LAMP1: variants seen among roughly 807,000 people sequenced by gnomAD.
LAMP1 encodes the protein lysosome associated membrane protein 1, also known as lysosome-associated membrane glycoprotein 1.
Under a neutral mutation model 37.5 loss-of-function variants are expected in LAMP1, and 7 were observed. The observed-to-expected ratio is 0.19, with a 90% CI of 0.11 to 0.35. LAMP1 has a LOEUF of 0.35. LAMP1 is among the 10% of genes least tolerant of loss of function. LAMP1 has a pLI of 1.00. For synonymous variants in LAMP1, 236 were observed against 229.1 expected (o/e 1.03, Z -0.27); for missense variants, 537 against 552.8 (o/e 0.97, Z 0.29).
rs966099781 is a variant in LAMP1, at chr13:113,320,569, G to A, written c.876+99G>A. 3 of 1,352,458 alleles carry A rather than the reference G, an allele frequency of 2.2e-6. No individual in the cohort carries two copies. Among genetic ancestry groups the A allele is most frequent in the African/African-American group, 1.5e-5 (1 of 68,430 alleles). 83.8% of individuals were successfully genotyped at this position (1,352,458 alleles called of 1,614,324 possible). A position where few individuals can be genotyped will look rare whatever the true frequency, so the allele number is the denominator to read the frequency against. Reference sequence around the variant, plus strand: ...TCATGGGAGGCAGCGTTAGGAAGGAGGCGGCCTCACTTTTTTCTGCCTTCC... The same window carrying A: ...TCATGGGAGGCAGCGTTAGGAAGGAAGCGGCCTCACTTTTTTCTGCCTTCC... On this transcript the variant is annotated intron_variant, in intron 6 of 8. Transcript: ENST00000332556. This position sits in a 1 kb window ranked among gnomAD's most constrained non-coding sequence, Gnocchi z 4.4.
intron 1 of LAMP1, among the ~76,000 whole-genome samples, chr13:113,299,890 T>G (rs992618164): frequency 6.6e-6 from 1 of 152,148 alleles, no homozygotes; most frequent in African/African-American, 2.4e-5. Flanking sequence ...AAAAGGCCTT[T>G]TAACAACTTG....
intron 2 of LAMP1, among the ~76,000 whole-genome samples, chr13:113,307,182 G>A (rs926448426): frequency 4.4e-5 from 6 of 135,560 alleles, no homozygotes; most frequent in African/African-American, 1.6e-4. Flanking sequence ...TTTTGAGATG[G>A]AATCTTGGTT....
At chr13:113,317,194 G>C (rs1353795188) in intron 4 of LAMP1, among the ~76,000 whole-genome samples, 1 of 152,158 alleles carries the variant, frequency 6.6e-6, no homozygotes, top group Non-Finnish European at 1.5e-5. Context: ...TGCTGGAGGA[G>C]GTGTGACAGT....
chr13:113,305,251 G>A (rs1432510718), intron 1 of LAMP1: 5 of 152,208 alleles, frequency 3.3e-5, no homozygotes, highest in Non-Finnish European at 5.9e-5. Flanking sequence ...GTGTGTGTGT[G>A]GTTGGAAGGC....
chr13:113,316,992 T>A (rs1434501315), intron 4 of LAMP1, among the ~76,000 whole-genome samples: 1 of 151,864 alleles, frequency 6.6e-6, no homozygotes, highest in Non-Finnish European at 1.5e-5. Context: ...CACAAAAAAC[T>A]GTAAGAGAGG....
intron 4 of LAMP1, among the ~76,000 whole-genome samples, chr13:113,318,368 C>T (rs1299239876): frequency 6.6e-6 from 1 of 152,172 alleles, no homozygotes; most frequent in Non-Finnish European, 1.5e-5. Context: ...TGCAGGGTTG[C>T]CCACCCTGGA....
chr13:113,322,171 G>A (rs763148321), intron 8 of LAMP1, 111 bp from the exon 9 acceptor site: 174 of 1,261,328 alleles, frequency 1.4e-4, no homozygotes, highest in African/African-American at 8.5e-4. Context: ...GGAACCTTCC[G>A]CCAGGGTTCC....
intron 4 of LAMP1, among the ~76,000 whole-genome samples, chr13:113,314,151 C>T (rs1478952211): frequency 5.9e-4 from 51 of 85,896 alleles, no homozygotes; most frequent in African/African-American, 4.6e-3. Context: ...TGGAGATGCC[C>T]GTGTGCCTGG....
At chr13:113,316,452 C>A (rs1292590122) in intron 4 of LAMP1, among the ~76,000 whole-genome samples, 1 of 149,492 alleles carries the variant, frequency 6.7e-6, no homozygotes, top group Non-Finnish European at 1.5e-5. Context: ...GGCAGAGTCC[C>A]GCTCTGTCAC....
At chr13:113,303,444 G>T (rs549033701) in intron 1 of LAMP1, among the ~76,000 whole-genome samples, 7 of 152,278 alleles carry the variant, frequency 4.6e-5, no homozygotes, top group Admixed American at 1.3e-4. Context: ...CCTTGGAGAT[G>T]CTGCCAACGG....
At chr13:113,301,641 AAAAATATAT>A (rs1386548875) in intron 1 of LAMP1, among the ~76,000 whole-genome samples, 11 of 30,424 alleles carry the variant, frequency 3.6e-4, no homozygotes, top group African/African-American at 1.8e-3. Flanking sequence ...AAAAAAAAAA[AAAAATATAT>A]ATATATATAT....
chr13:113,297,576 C>A lies in LAMP1; in HGVS notation c.61+81C>A. Reference sequence around the variant, plus strand: ...CTGGGTCTTGAGGGCGGGGGACTGCCGGGTCGTTGTCCCGCGGGTCGCCCC... The same window carrying A: ...CTGGGTCTTGAGGGCGGGGGACTGCAGGGTCGTTGTCCCGCGGGTCGCCCC... On this transcript the variant is annotated intron_variant, in intron 1 of 8. Coordinates refer to ENST00000332556, the MANE Select transcript of LAMP1 (RefSeq NM_005561.4). The surrounding 1 kb of genome is among the most constrained non-coding windows in gnomAD (Gnocchi z 4.4). 8.5e-7 allele frequency: 1 copy of A among 1,177,766 alleles called. No individual in the cohort carries two copies. The highest frequency in any genetic ancestry group is 4.2e-5 in the South Asian group (1 of 23,744). 73.0% of individuals were successfully genotyped at this position (1,177,766 alleles called of 1,614,324 possible). A position where few individuals can be genotyped will look rare whatever the true frequency, so the allele number is the denominator to read the frequency against.
intron 2 of LAMP1, among the ~76,000 whole-genome samples, chr13:113,308,774 T>A (rs545908904): frequency 6.6e-6 from 1 of 152,344 alleles, no homozygotes; most frequent in African/African-American, 2.4e-5. Context: ...GAACATGTCT[T>A]TATCACCTTG....
chr13:113,320,279 GT>G lies in LAMP1; in HGVS notation c.751-63del. The stretch of plus-strand genomic sequence containing the variant: ...GCCTTGAATTCACGGTTTCAGGACT[GT>G]TTGTCTTTTCGAGAGTGTGGAGGAC... On this transcript the variant is annotated intron_variant, in intron 5 of 8. Transcript: ENST00000332556. This position sits in a 1 kb window ranked among gnomAD's most constrained non-coding sequence, Gnocchi z 4.4. 2.5e-6 allele frequency: 4 copies of G among 1,596,576 alleles called. No homozygotes were observed. The highest frequency in any genetic ancestry group is 3.4e-6 in the Non-Finnish European group (4 of 1,166,574).
In LAMP1 at chr13:113,322,369, TCGCCTAC is replaced by T; in HGVS notation, c.1204_1210del (p.Ala402SerfsTer68). On this transcript the variant is annotated frameshift_variant, in exon 9 of 9. Transcript: ENST00000332556. LOFTEE classifies it high-confidence loss of function. Reference sequence around the variant, plus strand: ...GCGGGGCTGGTCCTCATCGTCCTCATCGCCTACCTCGTCGGCAGGAAGAGGAGTCACG... The same window carrying T: ...GCGGGGCTGGTCCTCATCGTCCTCATCTCGTCGGCAGGAAGAGGAGTCACG... 1.3e-6 allele frequency: 2 copies of T among 1,589,054 alleles called. No homozygotes were observed. The highest frequency in any genetic ancestry group is 1.7e-5 in the Admixed American group (1 of 57,474).
At chr13:113,318,314 C>T (rs1357217078) in intron 4 of LAMP1, among the ~76,000 whole-genome samples, 3 of 152,168 alleles carry the variant, frequency 2.0e-5, no homozygotes, top group Admixed American at 6.5e-5. Flanking sequence ...GAGATGGAAG[C>T]GGAAGCAGCA....
intron 4 of LAMP1, among the ~76,000 whole-genome samples, chr13:113,314,410 C>T (rs1166163299): frequency 2.7e-5 from 3 of 111,834 alleles, no homozygotes; most frequent in Non-Finnish European, 5.0e-5. Context: ...GGGGCGTGGC[C>T]TCCTAGAGGG....
Position 113,320,856 on chromosome 13 carries a change from G to T in LAMP1, c.876+386G>T. 4.3e-6 allele frequency: 1 copy of T among 232,358 alleles called. No homozygotes were observed. The highest frequency in any genetic ancestry group is 7.8e-5 in the South Asian group (1 of 12,822). 14.4% of individuals were successfully genotyped at this position (232,358 alleles called of 1,614,324 possible). A position where few individuals can be genotyped will look rare whatever the true frequency, so the allele number is the denominator to read the frequency against. ...TGTCACTTGTCAGTCTTTTTAAATCGCTGTGCAAATGAATTAACAGTTCAG... is the reference window on the plus strand; with the variant it reads ...TGTCACTTGTCAGTCTTTTTAAATCTCTGTGCAAATGAATTAACAGTTCAG... On this transcript the variant is annotated intron_variant, in intron 6 of 8. Transcript: ENST00000332556. The surrounding 1 kb of genome is among the most constrained non-coding windows in gnomAD (Gnocchi z 4.4).
intron 1 of LAMP1, chr13:113,305,734 G>C (rs1185894200): frequency 6.6e-6 from 1 of 152,198 alleles, no homozygotes. Context: ...AAACTGACCA[G>C]ACGTTAAGTA....
Sources: gnomAD v4.1 joint callset for allele counts (sites outside exome capture counted in the v4.1 genomes callset) on GRCh38, gnomAD v4.1.1 for gene constraint, Gnocchi (gnomAD v3.1) non-coding constraint, MANE v1.5 for transcripts, NCBI Gene and HGNC (gene_info 2026-07-23, HGNC 2026-07-21) for gene names.